CNBD1: variants seen among roughly 807,000 people sequenced by gnomAD.
CNBD1 encodes cyclic nucleotide-binding domain-containing protein 1.
CNBD1 carries 71 observed loss-of-function variants against 54.4 expected under a neutral mutation model. The observed-to-expected ratio is 1.30, with a 90% confidence interval of 1.08 to 1.59. The LOEUF is 1.59. Ranked by LOEUF, CNBD1 falls within the 40% of genes most tolerant of loss-of-function variation. The probability of loss-of-function intolerance (pLI) is 0.00; values close to 1 mark genes in which losing one functional copy is unlikely to be tolerated. For synonymous variants in CNBD1, 182 were observed against 170.7 expected (o/e 1.07, Z -0.51); for missense variants, 659 against 518.0 (o/e 1.27, Z -2.64).
At chr8:87,147,590 T>C (rs1188733549) in intron 4 of CNBD1, among the ~76,000 whole-genome samples, 2 of 152,130 alleles carry the variant, frequency 1.3e-5, no homozygotes, top group Non-Finnish European at 2.9e-5. Flanking sequence ...GAAATAATGC[T>C]CAGAGTAATT....
chr8:86,947,335 T>A (rs1314363474), intron 4 of CNBD1, among the ~76,000 whole-genome samples: 1 of 152,136 alleles, frequency 6.6e-6, no homozygotes, highest in Non-Finnish European at 1.5e-5. Context: ...AGTATCCATT[T>A]GTGGTTCTGA....
intron 4 of CNBD1, among the ~76,000 whole-genome samples, chr8:87,068,558 A>T (rs567463919): frequency 4.7e-4 from 72 of 152,152 alleles, no homozygotes; most frequent in African/African-American, 1.6e-3. Flanking sequence ...GTGTCTTGTT[A>T]ATAATCTTGC....
At chr8:86,890,723 G>C (rs567183941) in intron 2 of CNBD1, among the ~76,000 whole-genome samples, 1 of 152,122 alleles carries the variant, frequency 6.6e-6, no homozygotes, top group East Asian at 1.9e-4. Flanking sequence ...CTGTATGAGG[G>C]TTCCTTTCAG....
intron 10 of CNBD1, among the ~76,000 whole-genome samples, chr8:87,354,819 G>T (rs926745442): frequency 5.5e-4 from 84 of 152,142 alleles, no homozygotes; most frequent in Non-Finnish European, 2.1e-4. Context: ...TTGGACATTT[G>T]GGTTGGTTCC....
intron 4 of CNBD1, among the ~76,000 whole-genome samples, chr8:86,952,213 G>C (rs921377408): frequency 2.0e-5 from 3 of 152,108 alleles, no homozygotes; most frequent in Non-Finnish European, 4.4e-5. Flanking sequence ...AACCCAAGCT[G>C]TTCCCTGACC....
At chr8:87,229,853 T>C (rs1049742968) in intron 5 of CNBD1, among the ~76,000 whole-genome samples, 5 of 152,252 alleles carry the variant, frequency 3.3e-5, no homozygotes, top group African/African-American at 7.2e-5. Context: ...ATGCCAACTA[T>C]GTTAATTTAA....
intron 4 of CNBD1, among the ~76,000 whole-genome samples, chr8:86,991,687 T>A (rs1164907965): frequency 7.3e-6 from 1 of 137,214 alleles, no homozygotes; most frequent in Non-Finnish European, 1.6e-5. Context: ...TTACTTGAGC[T>A]GTGTCCCAAA....
intron 4 of CNBD1, among the ~76,000 whole-genome samples, chr8:86,980,236 G>T (rs1024108749): frequency 4.3e-4 from 66 of 152,294 alleles, no homozygotes; most frequent in African/African-American, 1.5e-3. Context: ...GACCTCCAAG[G>T]TGCTTATTTC....
At chr8:87,052,776 C>T (rs930226044) in intron 4 of CNBD1, among the ~76,000 whole-genome samples, 6 of 152,212 alleles carry the variant, frequency 3.9e-5, no homozygotes, top group African/African-American at 1.2e-4. Context: ...AACATAACAT[C>T]TCTCCATGTA....
intron 10 of CNBD1, among the ~76,000 whole-genome samples, chr8:87,379,655 T>C (rs910012598): frequency 5.3e-5 from 8 of 151,982 alleles, no homozygotes; most frequent in African/African-American, 1.7e-4. Context: ...GTCATAAAAG[T>C]GCATATTAAA....
intron 8 of CNBD1, among the ~76,000 whole-genome samples, chr8:87,319,181 T>G (rs1284713790): frequency 6.6e-6 from 1 of 152,056 alleles, no homozygotes; most frequent in Non-Finnish European, 1.5e-5. Context: ...ATTTCACATT[T>G]AGAATAACAC....
intron 1 of CNBD1, among the ~76,000 whole-genome samples, chr8:86,870,965 T>A (rs1808435932): frequency 1.3e-5 from 2 of 152,214 alleles, no homozygotes; most frequent in Non-Finnish European, 2.9e-5. Flanking sequence ...TTGAAAAATT[T>A]TTTTCCTCAC....
chr8:87,104,714 T>A (rs1445502891), intron 4 of CNBD1, among the ~76,000 whole-genome samples: 1 of 152,232 alleles, frequency 6.6e-6, no homozygotes. Flanking sequence ...AGAACTATTG[T>A]TTCAGTCTTG....
chr8:87,260,172 G>A (rs371055989), intron 6 of CNBD1, among the ~76,000 whole-genome samples: 3 of 152,258 alleles, frequency 2.0e-5, no homozygotes, highest in African/African-American at 7.2e-5. Flanking sequence ...GATTGCAAAG[G>A]CTTTTAACTA....
chr8:87,221,015 C>CT (rs1471304998), intron 5 of CNBD1, among the ~76,000 whole-genome samples: 1 of 152,076 alleles, frequency 6.6e-6, no homozygotes, highest in Non-Finnish European at 1.5e-5. Flanking sequence ...CTGACTGTGG[C>CT]TGTCCTGGCC....
chr8:87,229,153 A>T (rs923760003), intron 5 of CNBD1, among the ~76,000 whole-genome samples: 2 of 151,792 alleles, frequency 1.3e-5, no homozygotes, highest in African/African-American at 4.8e-5. Context: ...GCTGTCTGGC[A>T]CTCCCTAGTG....
In CNBD1 at chr8:87,022,475, G is replaced by A. The variant is rs552024169; in HGVS notation, c.431+82721G>A. On this transcript the variant is annotated intron_variant, in intron 4 of 10. Transcript: ENST00000518476. Reference sequence around the variant, plus strand: ...TGAAATGGGAAGGTTATATTTTTCTGTTGGTGAAAAGAGAAATAGGAGATT... The same window carrying A: ...TGAAATGGGAAGGTTATATTTTTCTATTGGTGAAAAGAGAAATAGGAGATT... Among the ~76,000 whole-genome samples the A allele has an allele frequency of 2.4e-4, 36 of 152,228 alleles. 1 individual carries two copies. The South Asian group carries it at 3.7e-3, about 16-fold the overall frequency.
rs115225377 is a variant in CNBD1, at chr8:87,350,093, C to A, written c.1043-1592C>A. On this transcript the variant is annotated intron_variant, in intron 8 of 10. Coordinates refer to ENST00000518476, the MANE Select transcript of CNBD1 (RefSeq NM_173538.3). ...TTCTATGCCTTTCTTTATATCCTTG[C>A]TGATTGACTAAAAGAAGATACATAG... is the stretch of plus-strand genomic sequence containing the variant. Among the ~76,000 whole-genome samples the A allele has an allele frequency of 9.7e-3, 1,472 of 152,172 alleles. 20 individuals are homozygous for A. The highest frequency in any genetic ancestry group is 0.033 in the African/African-American group (1,353 of 41,508).
chr8:87,223,200 T>G (rs1814382854), intron 5 of CNBD1, among the ~76,000 whole-genome samples: 1 of 151,070 alleles, frequency 6.6e-6, no homozygotes, highest in Non-Finnish European at 1.5e-5. Flanking sequence ...CCCACCTTTT[T>G]GCTTTTTGGC....
Sources: gnomAD v4.1 joint callset for allele counts (sites outside exome capture counted in the v4.1 genomes callset) on GRCh38, gnomAD v4.1.1 for gene constraint, MANE v1.5 for transcripts, NCBI Gene and HGNC (gene_info 2026-07-23, HGNC 2026-07-21) for gene names.